Variants in CDH23 observed in about 807,000 individuals in gnomAD.
CDH23 encodes the protein cadherin related 23.
Under a neutral mutation model 317.1 loss-of-function variants are expected in CDH23, and 189 were observed. The ratio of observed to expected loss-of-function variants is 0.60; its 90% CI spans 0.53 to 0.67. The LOEUF (loss-of-function observed/expected upper bound fraction) is 0.67. CDH23 is among the 30% of genes least tolerant of loss of function. The pLI is 0.00. For missense variants in CDH23, 4,401 were observed against 4,592.4 expected (o/e 0.96, Z 1.20); for synonymous variants, 1,839 against 1,876.8 (o/e 0.98, Z 0.52).
chr10:71,428,200 C>T (rs1245915588), intron 1 of CDH23, among the ~76,000 whole-genome samples: 2 of 148,704 alleles, frequency 1.3e-5, no homozygotes, highest in African/African-American at 2.5e-5. Context: ...TGCAGTGGCA[C>T]GATCTCGGCT....
chr10:71,539,439 T>TTCTC (rs940260657), intron 6 of CDH23, among the ~76,000 whole-genome samples: 2 of 152,038 alleles, frequency 1.3e-5, no homozygotes. Context: ...CCACTTGCTT[T>TTCTC]TCTCTCTCTC....
intron 2 of CDH23, among the ~76,000 whole-genome samples, chr10:71,444,614 G>A (rs1458878422): frequency 6.6e-6 from 1 of 152,210 alleles, no homozygotes; most frequent in Non-Finnish European, 1.5e-5. Context: ...ACTAGAAATG[G>A]CATCAGCTTG....
chr10:71,778,655 T>C (rs534580458), intron 40 of CDH23, among the ~76,000 whole-genome samples: 39 of 152,302 alleles, frequency 2.6e-4, no homozygotes, highest in Non-Finnish European at 4.4e-4. Context: ...TCCTCATCTG[T>C]GAAAGGAGGA....
At chr10:71,497,008 A>G (rs1044636481) in intron 3 of CDH23, among the ~76,000 whole-genome samples, 1 of 152,196 alleles carries the variant, frequency 6.6e-6, no homozygotes, top group African/African-American at 2.4e-5. Context: ...CCACGGTCAC[A>G]TTCAGGGGAC....
intron 6 of CDH23, 40 bp from the exon 7 acceptor site, chr10:71,566,702 C>T (rs1449282192): frequency 2.0e-6 from 3 of 1,535,392 alleles, no homozygotes; most frequent in African/African-American, 2.7e-5. Flanking sequence ...AGCTGCTCCG[C>T]ACTGGCTCAC....
At position 71,403,408 on chromosome 10, in the gene CDH23, TC is replaced by T. The variant is rs1410929477; in HGVS notation, c.-6+6091del. 3.3e-3 allele frequency among the ~76,000 whole-genome samples: 190 copies of T among 57,016 alleles called. 11 individuals are homozygous for T. Among genetic ancestry groups the T allele is most frequent in the African/African-American group, 9.9e-3 (78 of 7,914 alleles). 37.4% of individuals were successfully genotyped at this position (57,016 alleles called of 152,430 possible). ...CTTTCTTTCTTTCTTTCTTTCTTTC[TC>T]TTCCTTCCTTCCTTCCTTCCTTCCT... is the stretch of plus-strand genomic sequence containing the variant. On this transcript the variant is annotated intron_variant, in intron 1 of 69. Coordinates refer to ENST00000224721, the MANE Select transcript of CDH23 (RefSeq NM_022124.6).
chr10:71,686,179 C>T (rs533862165), intron 18 of CDH23, among the ~76,000 whole-genome samples: 10 of 152,138 alleles, frequency 6.6e-5, no homozygotes, highest in South Asian at 2.1e-4. Context: ...CGCCAAGATC[C>T]GGGGAAATAT....
chr10:71,462,482 G>A (rs1851045691), intron 3 of CDH23, among the ~76,000 whole-genome samples: 1 of 152,194 alleles, frequency 6.6e-6, no homozygotes, highest in Non-Finnish European at 1.5e-5. Context: ...CTGTCCTCAA[G>A]AGTGAATGGT....
chr10:71,539,069 T>A (rs1855853679), intron 6 of CDH23, among the ~76,000 whole-genome samples: 1 of 152,200 alleles, frequency 6.6e-6, no homozygotes, highest in Non-Finnish European at 1.5e-5. Flanking sequence ...AGTCCAGACA[T>A]GAATCCTCCT....
chr10:71,533,625 G>C (rs775915619), intron 6 of CDH23, among the ~76,000 whole-genome samples: 1 of 151,626 alleles, frequency 6.6e-6, no homozygotes, highest in Non-Finnish European at 1.5e-5. Context: ...TGTTAAAAGC[G>C]TAGGTGATTA....
intron 14 of CDH23, among the ~76,000 whole-genome samples, chr10:71,671,235 G>T (rs923054660): frequency 4.6e-5 from 7 of 152,120 alleles, no homozygotes; most frequent in Non-Finnish European, 7.4e-5. Flanking sequence ...AAAGTGCTGG[G>T]ATTACAGGTG....
At chr10:71,708,211 G>A (rs1299287206) in intron 26 of CDH23, among the ~76,000 whole-genome samples, 2 of 152,128 alleles carry the variant, frequency 1.3e-5, no homozygotes, top group Non-Finnish European at 2.9e-5. Context: ...TTTCCCTAGG[G>A]GCAAACCAGC....
At chr10:71,680,810 C>CTTT (rs562449159) in intron 17 of CDH23, among the ~76,000 whole-genome samples, 7 of 100,552 alleles carry the variant, frequency 7.0e-5, no homozygotes, top group Non-Finnish European at 9.2e-5. Flanking sequence ...CTCTGTCTTT[C>CTTT]TTTTTTTTTT....
At chr10:71,752,730 G>A (rs75964469) in intron 38 of CDH23, among the ~76,000 whole-genome samples, 1 of 152,118 alleles carries the variant, frequency 6.6e-6, no homozygotes, top group Admixed American at 6.5e-5. Context: ...CCTGGCCCAG[G>A]CTGACCACTG....
intron 38 of CDH23, among the ~76,000 whole-genome samples, chr10:71,776,141 G>A (rs1418023912): frequency 6.6e-6 from 1 of 152,140 alleles, no homozygotes; most frequent in African/African-American, 2.4e-5. Flanking sequence ...CCTGCCCAAG[G>A]CCACGCAGCT....
chr10:71,432,401 G>T (rs1392300814), intron 1 of CDH23, among the ~76,000 whole-genome samples: 3 of 85,790 alleles, frequency 3.5e-5, no homozygotes, highest in Non-Finnish European at 8.9e-5. Flanking sequence ...TGTGGTGTGT[G>T]TTTGTGTGTG....
At chr10:71,665,699 A>T (rs1863862969) in intron 14 of CDH23, among the ~76,000 whole-genome samples, 1 of 152,204 alleles carries the variant, frequency 6.6e-6, no homozygotes, top group South Asian at 2.1e-4. Flanking sequence ...AGGCATATGC[A>T]GCATGCTGGC....
chr10:71,538,592 C>T (rs1267981658), intron 6 of CDH23, among the ~76,000 whole-genome samples: 1 of 152,116 alleles, frequency 6.6e-6, no homozygotes, highest in Admixed American at 6.5e-5. Context: ...TTTAGCAAAA[C>T]GGTACAAGGC....
chr10:71,593,416 T>A (rs1231240616), intron 9 of CDH23, among the ~76,000 whole-genome samples: 1 of 152,124 alleles, frequency 6.6e-6, no homozygotes, highest in African/African-American at 2.4e-5. Context: ...GACCTTGTAG[T>A]AGGAAAGGAC....
Sources: allele counts gnomAD v4.1 joint callset (sites outside exome capture counted in the v4.1 genomes callset), GRCh38; gene constraint gnomAD v4.1.1; transcripts MANE v1.5; gene names NCBI Gene and HGNC (gene_info 2026-07-23, HGNC 2026-07-21).